SPATA6L: variants seen among roughly 807,000 people sequenced by gnomAD.
The protein encoded by SPATA6L is spermatogenesis associated 6-like protein.
In SPATA6L, 68 loss-of-function variants were observed where a neutral mutation model predicts 49.2. The observed-to-expected ratio is 1.38, with a 90% CI of 1.14 to 1.69. The LOEUF is 1.69. Ranked by LOEUF, SPATA6L falls within the 40% of genes most tolerant of loss-of-function variation. The pLI is 0.00. For missense variants in SPATA6L, 668 were observed against 464.3 expected, an observed-to-expected ratio of 1.44 and a Z score of -4.03; for synonymous variants, 198 against 165.7, an observed-to-expected ratio of 1.19 and a Z score of -1.50.
downstream of SPATA6L, chr9:4,596,286 G>A (rs905544298): frequency 3.3e-5 from 5 of 152,206 alleles, no homozygotes; most frequent in Admixed American, 6.6e-5. Flanking sequence ...GGGTCCATGC[G>A]AGGCTGTGGG....
At position 4,629,725 on chromosome 9, in the gene SPATA6L, C is replaced by T. The variant is rs187586504; in HGVS notation, c.352-557G>A. 4.3e-4 allele frequency among the ~76,000 whole-genome samples: 58 copies of T among 135,638 alleles called. No individual in the cohort carries two copies. In the East Asian group the frequency reaches 0.012, roughly 27 times the overall value. 89.0% of individuals were successfully genotyped at this position (135,638 alleles called of 152,430 possible). A position where few individuals can be genotyped will look rare whatever the true frequency, so the allele number is the denominator to read the frequency against. On this transcript the variant is annotated intron_variant, in intron 4 of 11. Transcript: ENST00000682582. ...CTATTTCTATTTTTTGTTCTTAGTA[C>T]CATACTGTCTAAAATATTGTGTTTT...
At position 4,635,414 on chromosome 9, in the gene SPATA6L, G is replaced by C; in HGVS notation, c.227-15C>G. ...CTCATCCCACACTAGAAAGAAAATAGAAAAAGCATAAATATCTGTATTTAC... is the reference window on the plus strand; with the variant it reads ...CTCATCCCACACTAGAAAGAAAATACAAAAAGCATAAATATCTGTATTTAC... On this transcript the variant is annotated splice_polypyrimidine_tract_variant and intron_variant, in intron 3 of 11. Coordinates refer to ENST00000682582, the MANE Select transcript of SPATA6L (RefSeq NM_001353486.2). 3 of 1,570,606 alleles carry C rather than the reference G, an allele frequency of 1.9e-6. No homozygotes were observed.
Position 4,600,335 on chromosome 9 carries a change from A to C in SPATA6L, c.*476T>G, listed in dbSNP as rs1286613551. Among the ~76,000 whole-genome samples the C allele has an allele frequency of 6.6e-6, 1 of 152,226 alleles. No homozygotes were observed. The highest frequency in any genetic ancestry group is 1.5e-5 in the Non-Finnish European group (1 of 68,038). On this transcript the variant is annotated 3_prime_UTR_variant, in exon 12 of 12. Coordinates refer to ENST00000682582, the MANE Select transcript of SPATA6L (RefSeq NM_001353486.2). ...ACGTAAATCAAGCCTAACACTAAGA[A>C]ATAAACAAACAACAACAAAAACGGA...
chr9:4,595,489 C>T (rs940957565), downstream of SPATA6L, among the ~76,000 whole-genome samples: 16 of 152,312 alleles, frequency 1.1e-4, no homozygotes, highest in South Asian at 8.3e-4. Context: ...AAAACTCTAA[C>T]GGCTTCTTAT....
chr9:4,640,638 C>T (rs1416890682), intron 3 of SPATA6L, among the ~76,000 whole-genome samples: 3 of 152,032 alleles, frequency 2.0e-5, no homozygotes, highest in South Asian at 2.1e-4. Context: ...ACTACGTGCC[C>T]GGAGCCACCA....
intron 7 of SPATA6L, among the ~76,000 whole-genome samples, chr9:4,620,362 G>C (rs191449310): frequency 7.7e-4 from 117 of 152,162 alleles, no homozygotes; most frequent in African/African-American, 1.2e-3. Context: ...CCTTTCACAC[G>C]GGGGCCTGCC....
At position 4,625,311 on chromosome 9, in the gene SPATA6L, A is replaced by C; in HGVS notation, c.669+16T>G. The C allele has an allele frequency of 6.2e-7, 1 of 1,603,420 alleles. No homozygotes were observed. Among genetic ancestry groups the C allele is most frequent in the Non-Finnish European group, 8.5e-7 (1 of 1,175,006 alleles). ...TCACTATTGCAAAATGCTCTAAAAA[A>C]TAATTTTAGGCTCACGTGTCTAACA... On this transcript the variant is annotated intron_variant, in intron 6 of 11. Transcript: ENST00000682582.
chr9:4,594,275 A>T (rs1822092237), downstream of SPATA6L, among the ~76,000 whole-genome samples: 4 of 151,994 alleles, frequency 2.6e-5, no homozygotes, highest in Non-Finnish European at 5.9e-5. Flanking sequence ...AGTGGCGCGA[A>T]CTCAGCTCAC....
intron 2 of SPATA6L, among the ~76,000 whole-genome samples, chr9:4,660,335 G>GA (rs1252980531): frequency 6.6e-6 from 1 of 152,016 alleles, no homozygotes; most frequent in East Asian, 1.9e-4. Flanking sequence ...AAATTTACAA[G>GA]AAAAAATCAA....
In SPATA6L at chr9:4,662,798, A is replaced by G. The variant is rs1587572044; in HGVS notation, c.40-762T>C. ...TTATGAAGCTGCTGGAGATCTCGGG[A>G]CACGGCATCCCCTGGCTGCTGGGCA... On this transcript the variant is annotated intron_variant, in intron 1 of 11. Coordinates refer to ENST00000682582, the MANE Select transcript of SPATA6L (RefSeq NM_001353486.2). The surrounding 1 kb of genome is among the most constrained non-coding windows in gnomAD (Gnocchi z 4.9). 2 of 1,605,146 alleles carry G rather than the reference A, an allele frequency of 1.2e-6. No homozygotes were observed. The highest frequency in any genetic ancestry group is 2.2e-5 in the South Asian group (2 of 91,078).
intron 3 of SPATA6L, among the ~76,000 whole-genome samples, chr9:4,653,905 C>A (rs921785327): frequency 6.6e-6 from 1 of 152,132 alleles, no homozygotes; most frequent in Non-Finnish European, 1.5e-5. Flanking sequence ...CCACTGCACT[C>A]CAGGCTAGGT....
At chr9:4,614,326 T>C (rs1827470627) in intron 9 of SPATA6L, among the ~76,000 whole-genome samples, 1 of 152,198 alleles carries the variant, frequency 6.6e-6, no homozygotes, top group Admixed American at 6.5e-5. Flanking sequence ...CCAAAATTTG[T>C]CTCCCAACTC....
At chr9:4,594,741 T>G (rs1170511892), downstream of SPATA6L, among the ~76,000 whole-genome samples, 3 of 152,192 alleles carry the variant, frequency 2.0e-5, no homozygotes, top group Non-Finnish European at 2.9e-5. Flanking sequence ...CAGACATGAA[T>G]CACTGGACAT....
Position 4,662,320 on chromosome 9 carries a change from G to C in SPATA6L, c.40-284C>G, listed in dbSNP as rs956307791. 4 of 1,445,394 alleles carry C rather than the reference G, an allele frequency of 2.8e-6. No individual in the cohort carries two copies. Among genetic ancestry groups the C allele is most frequent in the Admixed American group, 5.5e-5 (2 of 36,682 alleles). The allele number at this position is 1,445,394 out of a possible 1,614,324, so 89.5% of individuals were successfully genotyped here. A position where few individuals can be genotyped will look rare whatever the true frequency, so the allele number is the denominator to read the frequency against. ...GTGCGGAAGCGGAAGAGGCTGCAGG[G>C]CCGGGAAGCCTCTGTTTGGTCCGGC... is the stretch of plus-strand genomic sequence containing the variant. On this transcript the variant is annotated intron_variant, in intron 1 of 11. Coordinates refer to ENST00000682582, the MANE Select transcript of SPATA6L (RefSeq NM_001353486.2). This position sits in a 1 kb window ranked among gnomAD's most constrained non-coding sequence, Gnocchi z 4.9.
intron 7 of SPATA6L, 70 bp downstream of exon 7, chr9:4,622,338 T>C: frequency 2.2e-6 from 2 of 908,990 alleles, no homozygotes; most frequent in Non-Finnish European, 1.8e-6. Context: ...TTCCTCAGAA[T>C]GAAAGAGTAT....
intron 13 of SPATA6L, among the ~76,000 whole-genome samples, chr9:4,591,075 G>T (rs1821873521): frequency 6.6e-6 from 1 of 152,168 alleles, no homozygotes; most frequent in African/African-American, 2.4e-5. Context: ...GATTTGCTTT[G>T]CCTTTGTCTG....
rs1301261122 is a variant in SPATA6L, at chr9:4,662,528, G to A, written c.40-492C>T. ...TGCTCAGCAGCCGCGCCACGGCCGT[G>A]GACCCCACCTGCGCCCGGCTCCGTG... is the stretch of plus-strand genomic sequence containing the variant. On this transcript the variant is annotated intron_variant, in intron 1 of 11. Coordinates refer to ENST00000682582, the MANE Select transcript of SPATA6L (RefSeq NM_001353486.2). The surrounding 1 kb of genome is among the most constrained non-coding windows in gnomAD (Gnocchi z 4.9). The A allele has an allele frequency of 2.6e-6, 4 of 1,566,524 alleles. No homozygotes were observed. In the South Asian group the frequency reaches 4.7e-5, roughly 18 times the overall value.
chr9:4,629,116 A>G lies in SPATA6L; in HGVS notation c.404T>C (p.Val135Ala). 1 of 1,611,346 alleles carries G rather than the reference A, an allele frequency of 6.2e-7. No individual in the cohort carries two copies. Among genetic ancestry groups the G allele is most frequent in the Non-Finnish European group, 8.5e-7 (1 of 1,178,626 alleles). The change falls in exon 5 of 12, where the codon GTG becomes GCG. Residue 135 changes from valine to alanine, a missense_variant. By Grantham distance (64) the Val-to-Ala change is moderately conservative (BLOSUM62 0). Transcript: ENST00000682582. ...AAGAAATCTGTTTCTATGCAGAAACACACATTCTCTGATGGCTGTCCTTGT... is the reference window on the plus strand; with the variant it reads ...AAGAAATCTGTTTCTATGCAGAAACGCACATTCTCTGATGGCTGTCCTTGT... Reference protein sequence around the residue: ...FSTRTAIRECVFLHRNRFLEE... With the variant: ...FSTRTAIRECAFLHRNRFLEE...
At position 4,604,240 on chromosome 9, in the gene SPATA6L, G is replaced by T; in HGVS notation, c.1119C>A (p.Ile373=). ...TCAGAGGGTAGCTTGGTCTTTCAATGATATAATTTACTTCAGAGGTAGAAT... is the reference window on the plus strand; with the variant it reads ...TCAGAGGGTAGCTTGGTCTTTCAATTATATAATTTACTTCAGAGGTAGAAT... ...KEDSTSEVNY[I]IERPSYPLKK... Residue 373 remains isoleucine (I), a synonymous_variant, in exon 11 of 12, where the codon ATC becomes ATA. Transcript: ENST00000682582. 2 of 1,611,032 alleles carry T rather than the reference G, an allele frequency of 1.2e-6. No homozygotes were observed. The highest frequency in any genetic ancestry group is 8.5e-7 in the Non-Finnish European group (1 of 1,177,886).
Sources: allele counts gnomAD v4.1 joint callset (sites outside exome capture counted in the v4.1 genomes callset), GRCh38; gene constraint gnomAD v4.1.1; non-coding constraint Gnocchi (gnomAD v3.1); transcripts MANE v1.5; gene names NCBI Gene and HGNC (gene_info 2026-07-23, HGNC 2026-07-21).